The following SPATS2 variants were observed in gnomAD, a reference collection of about 807,000 sequenced individuals.
SPATS2 encodes spermatogenesis-associated serine-rich protein 2.
In SPATS2, 38 loss-of-function variants were observed where a neutral mutation model predicts 63.7. That is an observed-to-expected ratio of 0.60 (90% CI 0.46 to 0.78). The LOEUF is 0.78. Ranked by LOEUF, SPATS2 falls within the 30% of genes least tolerant of loss-of-function variation. SPATS2 has a pLI of 0.00. For missense variants in SPATS2, 588 were observed against 666.2 expected, an observed-to-expected ratio of 0.88 and a Z score of 1.29; for synonymous variants, 207 against 232.9, an observed-to-expected ratio of 0.89 and a Z score of 1.01.
intron 2 of SPATS2, among the ~76,000 whole-genome samples, chr12:49,396,997 T>A (rs936548371): frequency 6.6e-6 from 1 of 152,190 alleles, no homozygotes; most frequent in African/African-American, 2.4e-5. Context: ...AGTGCCTGTG[T>A]TTTTAGCTTC....
At chr12:49,482,408 C>T (rs1220415356) in intron 3 of SPATS2, among the ~76,000 whole-genome samples, 2 of 152,144 alleles carry the variant, frequency 1.3e-5, no homozygotes, top group East Asian at 3.9e-4. Context: ...GTCACAGCAA[C>T]TGTCTGATGG....
chr12:49,496,097 G>A (rs1031937769), intron 7 of SPATS2, among the ~76,000 whole-genome samples: 1 of 152,132 alleles, frequency 6.6e-6, no homozygotes, highest in African/African-American at 2.4e-5. Context: ...GTGCTGTTTA[G>A]GTGTTCTTTT....
chr12:49,383,408 CTTTATT>C (rs1261576148), intron 2 of SPATS2, among the ~76,000 whole-genome samples: 3 of 151,634 alleles, frequency 2.0e-5, no homozygotes, highest in African/African-American at 7.3e-5. Flanking sequence ...GTCAGATCCT[CTTTATT>C]TTTATTTATT....
upstream of SPATS2, chr12:49,367,445 T>A: frequency 2.6e-6 from 1 of 390,068 alleles, no homozygotes; most frequent in Non-Finnish European, 4.5e-6. Flanking sequence ...CTGAGAGAGC[T>A]GGGGGAGGAG....
Position 49,494,801 on chromosome 12 carries a change from T to C in SPATS2, c.325T>C (p.Ser109Pro). 6.2e-7 allele frequency: 1 copy of C among 1,612,924 alleles called. No individual in the cohort carries two copies. Among genetic ancestry groups the C allele is most frequent in the African/African-American group, 1.3e-5 (1 of 74,980 alleles). ...AAEPSNGIPD[S>P]SKSVSIQEEQ... ...AGAACCAAGTAACGGCATCCCAGAT[T>C]CCAGTAAATCAGTTTCCATTCAAGA... The change falls in exon 7 of 14, where the codon TCC becomes CCC. Residue 109 changes from serine (S) to proline (P), a missense_variant. Ser to Pro is a moderately conservative substitution (Grantham distance 74). Coordinates refer to ENST00000552918, the MANE Select transcript of SPATS2 (RefSeq NM_023071.4).
intron 2 of SPATS2, among the ~76,000 whole-genome samples, chr12:49,414,408 G>A (rs902094427): frequency 1.3e-5 from 2 of 151,870 alleles, no homozygotes; most frequent in African/African-American, 4.8e-5. Flanking sequence ...AAAGGCCATC[G>A]AACTAAGACT....
chr12:49,525,482 A>G (rs1267403575), intron 13 of SPATS2, among the ~76,000 whole-genome samples: 2 of 152,234 alleles, frequency 1.3e-5, no homozygotes, highest in African/African-American at 4.8e-5. Flanking sequence ...TTATAATGCG[A>G]AAGATGTGCT....
Position 49,526,216 on chromosome 12 carries a change from C to A in SPATS2, c.1599C>A (p.Arg533=), listed in dbSNP as rs1947032963. 2 of 1,614,110 alleles carry A rather than the reference C, an allele frequency of 1.2e-6. No individual in the cohort carries two copies. Among genetic ancestry groups the A allele is most frequent in the Non-Finnish European group, 1.7e-6 (2 of 1,180,002 alleles). ...TPSFKKGLPQ[R]KPRTSQTEAV... is the part of the protein sequence containing the mutation. ...CATTCAAAAAGGGGCTCCCCCAGCGCAAACCCAGGACCTCTCAGACTGAAG... is the reference window on the plus strand; with the variant it reads ...CATTCAAAAAGGGGCTCCCCCAGCGAAAACCCAGGACCTCTCAGACTGAAG... Residue 533 remains arginine (R), a synonymous_variant, in exon 14 of 14, where the codon CGC becomes CGA. Transcript: ENST00000552918.
chr12:49,385,261 G>T (rs917006762), intron 2 of SPATS2, among the ~76,000 whole-genome samples: 3 of 151,282 alleles, frequency 2.0e-5, no homozygotes, highest in Non-Finnish European at 4.4e-5. Flanking sequence ...AGTATTTCAC[G>T]GGGTAATAAA....
intron 2 of SPATS2, among the ~76,000 whole-genome samples, chr12:49,429,622 A>G (rs1945143258): frequency 6.6e-6 from 1 of 150,846 alleles, no homozygotes; most frequent in Admixed American, 6.6e-5. Context: ...TAATTTTTGT[A>G]TTTTTATTTT....
chr12:49,392,815 G>A lies in SPATS2; in HGVS notation c.-244+21525G>A, dbSNP rs527612972. On this transcript the variant is annotated intron_variant, in intron 2 of 13. Coordinates refer to ENST00000552918, the MANE Select transcript of SPATS2 (RefSeq NM_023071.4). ...GCCTGTAATCCCAGCACTTTGGGAA[G>A]CTGAGTTGGGTGGATCACCTGAGGT... 3.3e-5 allele frequency among the ~76,000 whole-genome samples: 5 copies of A among 151,742 alleles called. No homozygotes were observed. In the East Asian group the frequency reaches 5.9e-4, roughly 18 times the overall value.
chr12:49,523,829 GTAGTC>G, intron 12 of SPATS2, among the ~76,000 whole-genome samples: 1 of 152,064 alleles, frequency 6.6e-6, no homozygotes, highest in Non-Finnish European at 1.5e-5. Flanking sequence ...GTGGGTGCCT[GTAGTC>G]CCAGCTAATC....
chr12:49,498,210 TAAAATC>T (rs908657449), intron 8 of SPATS2, among the ~76,000 whole-genome samples: 3 of 144,808 alleles, frequency 2.1e-5, no homozygotes, highest in Non-Finnish European at 3.0e-5. Context: ...TTCTAAAAAA[TAAAATC>T]AAGTTGAGAT....
At chr12:49,375,172 GTGTGTGTGTGTGTGTGTGTGT>G (rs1029245912) in intron 2 of SPATS2, among the ~76,000 whole-genome samples, 3 of 135,442 alleles carry the variant, frequency 2.2e-5, no homozygotes, top group African/African-American at 9.4e-5. Flanking sequence ...GTGTGTGTGT[GTGTGTGTGTGTGTGTGTGTGT>G]GTGGTGGTAG....
chr12:49,446,388 C>T (rs928036817), intron 2 of SPATS2, among the ~76,000 whole-genome samples: 9 of 152,198 alleles, frequency 5.9e-5, no homozygotes, highest in African/African-American at 1.9e-4. Context: ...TGGTTCTCTA[C>T]AAGGTTGAAA....
At chr12:49,422,237 C>G (rs938625123) in intron 2 of SPATS2, among the ~76,000 whole-genome samples, 1 of 152,142 alleles carries the variant, frequency 6.6e-6, no homozygotes, top group Non-Finnish European at 1.5e-5. Context: ...CACCACTTAC[C>G]AGCTCTTTGT....
intron 9 of SPATS2, among the ~76,000 whole-genome samples, chr12:49,509,810 C>CAAA (rs60064985): frequency 0.019 from 1,367 of 71,816 alleles, 24 homozygotes; most frequent in African/African-American, 0.061. Context: ...GAGCAAGTCT[C>CAAA]AAAAAAAAAA....
intron 12 of SPATS2, among the ~76,000 whole-genome samples, chr12:49,523,774 A>G (rs1565764931): frequency 6.6e-6 from 1 of 151,580 alleles, no homozygotes; most frequent in Admixed American, 6.6e-5. Context: ...ACATGGTGAA[A>G]CCCCATCTCT....
intron 2 of SPATS2, among the ~76,000 whole-genome samples, chr12:49,397,318 A>G (rs1244922826): frequency 6.6e-6 from 1 of 152,184 alleles, no homozygotes; most frequent in Admixed American, 6.6e-5. Context: ...GTCTGAGGGT[A>G]GGGACTTTGT....
Sources: gnomAD v4.1 joint callset for allele counts (sites outside exome capture counted in the v4.1 genomes callset) on GRCh38, gnomAD v4.1.1 for gene constraint, MANE v1.5 for transcripts, NCBI Gene and HGNC (gene_info 2026-07-23, HGNC 2026-07-21) for gene names.